The following LRRC37A2 variants were observed in gnomAD, a reference collection of about 807,000 sequenced individuals.
LRRC37A2 encodes the protein leucine-rich repeat-containing protein 37A2.
Under a neutral mutation model 68.8 loss-of-function variants are expected in LRRC37A2, and 9 were observed. That is an observed-to-expected ratio of 0.13 (90% CI 0.08 to 0.23). LRRC37A2 has a LOEUF of 0.23. Ranked by LOEUF, LRRC37A2 falls within the 10% of genes least tolerant of loss-of-function variation. LRRC37A2 has a pLI of 1.00. For synonymous variants in LRRC37A2, 63 were observed against 367.6 expected, an observed-to-expected ratio of 0.17 and a Z score of 9.48; for missense variants, 168 against 950.4, an observed-to-expected ratio of 0.18 and a Z score of 10.82.
At chr17:46,978,752 A>T in the LRRC37A2 span, 1 of 1,612,668 alleles carries the variant, frequency 6.2e-7, no homozygotes, top group South Asian at 1.1e-5. Context: ...CAGCCCAGGA[A>T]GAAGACGCCG....
chr17:46,919,905 C>G, the LRRC37A2 span, among the ~76,000 whole-genome samples: 1 of 151,962 alleles, frequency 6.6e-6, no homozygotes, highest in Admixed American at 6.6e-5. Flanking sequence ...CAAGATTGCA[C>G]CATTGCATTC....
At chr17:46,473,894 TCAAA>T in the LRRC37A2 span, among the ~76,000 whole-genome samples, 19 of 104,156 alleles carry the variant, frequency 1.8e-4, 6 homozygotes, top group East Asian at 7.4e-4. Context: ...AGACTTCATC[TCAAA>T]CAAACAAACA....
At chr17:47,030,110 A>G in the LRRC37A2 span, among the ~76,000 whole-genome samples, 2 of 121,704 alleles carry the variant, frequency 1.6e-5, 1 homozygote, top group African/African-American at 6.4e-5. Flanking sequence ...CATCATCATC[A>G]TCATCATCAT....
chr17:46,749,243 T>C, the LRRC37A2 span, among the ~76,000 whole-genome samples: 1 of 152,216 alleles, frequency 6.6e-6, no homozygotes, highest in Admixed American at 6.5e-5. Flanking sequence ...TAAAAAAATA[T>C]TTTGGGGTTA....
chr17:46,623,274 C>T, the LRRC37A2 span, among the ~76,000 whole-genome samples: 1 of 18,870 alleles, frequency 5.3e-5, no homozygotes, highest in African/African-American at 3.5e-4. Flanking sequence ...GCCGAGATCA[C>T]GCCACTGCAC....
chr17:46,935,303 T>C, the LRRC37A2 span: 2 of 1,547,458 alleles, frequency 1.3e-6, no homozygotes, highest in African/African-American at 2.7e-5. Flanking sequence ...GCCCTTGAGT[T>C]TGGGATCCTT....
chr17:46,794,771 A>G, the LRRC37A2 span, among the ~76,000 whole-genome samples: 7 of 122,610 alleles, frequency 5.7e-5, no homozygotes, highest in Admixed American at 8.4e-5. Context: ...TTTTTTTTTT[A>G]ACAGATTCTT....
At chr17:46,769,780 CACCG>C in the LRRC37A2 span, 1 of 1,610,390 alleles carries the variant, frequency 6.2e-7, no homozygotes, top group Non-Finnish European at 8.5e-7. Context: ...TAGCCGGGCT[CACCG>C]TGCGGCCCGC....
At chr17:46,832,480 C>T in the LRRC37A2 span, among the ~76,000 whole-genome samples, 7 of 152,148 alleles carry the variant, frequency 4.6e-5, no homozygotes, top group Middle Eastern at 3.4e-3. Context: ...AGGAAACGGC[C>T]AGGCAGCCAG....
the LRRC37A2 span, among the ~76,000 whole-genome samples, chr17:46,692,624 T>C: frequency 8.4e-6 from 1 of 119,348 alleles, no homozygotes; most frequent in East Asian, 2.8e-4. Context: ...GATCGACTAC[T>C]TACTTTCTAT....
At chr17:46,801,857 G>A in the LRRC37A2 span, among the ~76,000 whole-genome samples, 4 of 152,122 alleles carry the variant, frequency 2.6e-5, no homozygotes, top group East Asian at 1.9e-4. Flanking sequence ...CCTTCTTCCC[G>A]ATGCTGTGCC....
the LRRC37A2 span, among the ~76,000 whole-genome samples, chr17:47,023,994 G>A: frequency 3.3e-4 from 50 of 152,268 alleles, 1 homozygote; most frequent in East Asian, 9.5e-3. Flanking sequence ...GGGCACACTG[G>A]GGCTTCTGGA....
At chr17:46,418,197 GTGTGTGTGTGTGTGTGTT>G in the LRRC37A2 span, among the ~76,000 whole-genome samples, 4 of 46,094 alleles carry the variant, frequency 8.7e-5, no homozygotes, top group Non-Finnish European at 1.4e-4. Context: ...AATAAATTGT[GTGTGTGTGTGTGTGTGTT>G]TGTGTGTGTG....
the LRRC37A2 span, among the ~76,000 whole-genome samples, chr17:46,975,920 AGTTGTT>A: frequency 1.3e-5 from 2 of 151,682 alleles, no homozygotes; most frequent in Admixed American, 6.6e-5. Context: ...AAATGATAAA[AGTTGTT>A]GTTGTTGTTG....
the LRRC37A2 span, among the ~76,000 whole-genome samples, chr17:46,783,069 ACGGGGC>A: frequency 1.3e-5 from 2 of 152,054 alleles, no homozygotes; most frequent in African/African-American, 4.8e-5. Context: ...CATTCTCTCA[ACGGGGC>A]TAGTTCATTC....
the LRRC37A2 span, among the ~76,000 whole-genome samples, chr17:46,408,429 T>TTA: frequency 5.7e-3 from 196 of 34,316 alleles, 6 homozygotes; most frequent in Non-Finnish European, 0.056. Flanking sequence ...TTTTTTTTTT[T>TTA]TTTACAGGTA....
chr17:46,885,943 C>T, the LRRC37A2 span: 1 of 152,290 alleles, frequency 6.6e-6, no homozygotes, highest in Non-Finnish European at 1.5e-5. Flanking sequence ...AAGCCTGAAC[C>T]TGGAGCTTCT....
the LRRC37A2 span, chr17:46,940,826 G>C: frequency 6.8e-7 from 1 of 1,463,630 alleles, no homozygotes; most frequent in African/African-American, 1.4e-5. Flanking sequence ...GCGGCTGGTG[G>C]ACAGCAGCCA....
chr17:47,015,000 T>C, the LRRC37A2 span, among the ~76,000 whole-genome samples: 1 of 106,866 alleles, frequency 9.4e-6, no homozygotes, highest in African/African-American at 3.3e-5. Flanking sequence ...GGTATACCAT[T>C]TTTATCTTTT....
Sources: allele counts gnomAD v4.1 joint callset (sites outside exome capture counted in the v4.1 genomes callset), GRCh38; gene constraint gnomAD v4.1.1; transcripts MANE v1.5; gene names NCBI Gene and HGNC (gene_info 2026-07-23, HGNC 2026-07-21).